Variants in THSD7A observed in about 807,000 individuals in gnomAD.
The protein encoded by THSD7A is thrombospondin type 1 domain containing 7A, also known as thrombospondin type-1 domain-containing protein 7A.
THSD7A carries 96 observed loss-of-function variants against 231.3 expected under a neutral mutation model. The observed-to-expected ratio is 0.41, with a 90% CI of 0.35 to 0.49. THSD7A has a LOEUF of 0.49. Ranked by LOEUF, THSD7A falls within the 20% of genes least tolerant of loss-of-function variation. THSD7A has a pLI of 0.05. For missense variants in THSD7A, 2,290 were observed against 2,070.2 expected, an observed-to-expected ratio of 1.11 and a Z score of -2.06; for synonymous variants, 940 against 743.3, an observed-to-expected ratio of 1.26 and a Z score of -4.30.
chr7:11,818,724 C>A (rs762872721), intron 1 of THSD7A, among the ~76,000 whole-genome samples: 14 of 152,208 alleles, frequency 9.2e-5, no homozygotes, highest in Non-Finnish European at 2.1e-4. Flanking sequence ...ACTTGAAAAT[C>A]TCACCAGCTT....
At chr7:11,410,687 A>G (rs1425514114) in intron 19 of THSD7A, among the ~76,000 whole-genome samples, 2 of 152,150 alleles carry the variant, frequency 1.3e-5, no homozygotes, top group East Asian at 3.9e-4. Flanking sequence ...TGTACCTAGA[A>G]GATAGTAATG....
At chr7:11,773,517 A>C (rs2128172344) in intron 1 of THSD7A, among the ~76,000 whole-genome samples, 2 of 152,282 alleles carry the variant, frequency 1.3e-5, no homozygotes, top group South Asian at 2.1e-4. Flanking sequence ...GAGCAATAAG[A>C]GCGAGACTCC....
intron 1 of THSD7A, among the ~76,000 whole-genome samples, chr7:11,641,372 C>T (rs1283375169): frequency 6.6e-6 from 1 of 151,970 alleles, no homozygotes; most frequent in Non-Finnish European, 1.5e-5. Flanking sequence ...CTTAATATCC[C>T]AGGCATTATA....
At chr7:11,469,748 A>C (rs1785857796) in intron 9 of THSD7A, 131 bp downstream of exon 9, 2 of 582,686 alleles carry the variant, frequency 3.4e-6, no homozygotes, top group Admixed American at 6.3e-5. Context: ...CTAACATTTT[A>C]TGGCATGCAT....
chr7:11,408,083 G>A (rs1161209989), intron 19 of THSD7A, among the ~76,000 whole-genome samples: 2 of 152,080 alleles, frequency 1.3e-5, no homozygotes, highest in East Asian at 1.9e-4. Context: ...AGATAATAAT[G>A]TTGTGCCATT....
chr7:11,550,598 T>A lies in THSD7A; in HGVS notation c.1454-7481A>T, dbSNP rs543302678. On this transcript the variant is annotated intron_variant, in intron 4 of 27. Transcript: ENST00000423059. ...TTGTGAAGAAGGTGCTTGCTTCTCC[T>A]TTGCCTTCTGCCATGATTGTAAGTT... Among the ~76,000 whole-genome samples, 22 of 152,298 alleles carry A rather than the reference T, an allele frequency of 1.4e-4. 1 individual carries two copies. In the South Asian group the frequency reaches 4.6e-3, roughly 32 times the overall value.
chr7:11,469,881 T>C lies in THSD7A; in HGVS notation c.2366A>G (p.Glu789Gly). ...DWTSCPSSCK[E>G]GDSSIRKQSR... ...CTTCCTAACTCTGCAGACCATACCT[T>C]CTTTACACGAAGAGGGGCATGATGT... The change falls in exon 9 of 28, where the codon GAA becomes GGA. Residue 789 changes from glutamate (E) to glycine (G), a missense_variant and splice_region_variant. Transcript: ENST00000423059. The C allele has an allele frequency of 1.3e-6, 2 of 1,585,052 alleles. No homozygotes were observed. Among genetic ancestry groups the C allele is most frequent in the South Asian group, 2.3e-5 (2 of 86,874 alleles).
chr7:11,668,815 C>G (rs879784189), intron 1 of THSD7A, among the ~76,000 whole-genome samples: 1 of 152,180 alleles, frequency 6.6e-6, no homozygotes, highest in Non-Finnish European at 1.5e-5. Context: ...TCATTAAGAA[C>G]AACTGATTCC....
intron 1 of THSD7A, among the ~76,000 whole-genome samples, chr7:11,741,335 C>G (rs2128160848): frequency 6.6e-6 from 1 of 152,032 alleles, no homozygotes; most frequent in Middle Eastern, 3.4e-3. Context: ...AAACATTTCT[C>G]TTAATCTAAA....
intron 1 of THSD7A, among the ~76,000 whole-genome samples, chr7:11,650,024 G>A (rs1459706340): frequency 6.6e-6 from 1 of 152,076 alleles, no homozygotes; most frequent in Admixed American, 6.6e-5. Flanking sequence ...CTGTATATTC[G>A]CTATTAAAAG....
At chr7:11,684,198 A>C (rs1779942082) in intron 1 of THSD7A, among the ~76,000 whole-genome samples, 1 of 151,922 alleles carries the variant, frequency 6.6e-6, no homozygotes, top group African/African-American at 2.4e-5. Flanking sequence ...TCATGTTAAA[A>C]ATCCTCAACA....
chr7:11,417,677 T>C, intron 16 of THSD7A, 74 bp from the exon 17 acceptor site: 1 of 1,475,036 alleles, frequency 6.8e-7, no homozygotes, highest in Non-Finnish European at 9.1e-7. Flanking sequence ...ACAATTAGAA[T>C]GACCAACCCA....
intron 6 of THSD7A, among the ~76,000 whole-genome samples, chr7:11,513,653 A>G (rs919869539): frequency 6.6e-6 from 1 of 152,210 alleles, no homozygotes; most frequent in Non-Finnish European, 1.5e-5. Flanking sequence ...GGACAGGGAA[A>G]TAGACAGTGA....
intron 2 of THSD7A, among the ~76,000 whole-genome samples, chr7:11,603,867 G>C (rs1220434828): frequency 1.4e-5 from 2 of 139,200 alleles, no homozygotes; most frequent in African/African-American, 5.4e-5. Context: ...ATCACACTCT[G>C]GGGACTGTGG....
rs747088977 is a variant in THSD7A, at chr7:11,788,356, G to A, written c.190+43401C>T. 2.9e-4 allele frequency among the ~76,000 whole-genome samples: 44 copies of A among 152,022 alleles called. No individual in the cohort carries two copies. In the Middle Eastern group the frequency reaches 0.01, roughly 35 times the overall value. Reference sequence around the variant, plus strand: ...TTTTGCCACTGTCTAATCTTAGCTCGTATATGTTCTTCTATAGTCTTGCCC... The same window carrying A: ...TTTTGCCACTGTCTAATCTTAGCTCATATATGTTCTTCTATAGTCTTGCCC... On this transcript the variant is annotated intron_variant, in intron 1 of 27. Transcript: ENST00000423059.
At chr7:11,725,242 T>G (rs1170091553) in intron 1 of THSD7A, among the ~76,000 whole-genome samples, 1 of 151,954 alleles carries the variant, frequency 6.6e-6, no homozygotes, top group African/African-American at 2.4e-5. Context: ...CTGATACCAT[T>G]TGTTTAACAT....
intron 17 of THSD7A, among the ~76,000 whole-genome samples, chr7:11,415,527 G>C (rs1485523983): frequency 1.3e-5 from 2 of 152,156 alleles, no homozygotes; most frequent in Non-Finnish European, 2.9e-5. Flanking sequence ...GAGGAGATCA[G>C]TCATTCTTCC....
intron 12 of THSD7A, among the ~76,000 whole-genome samples, chr7:11,447,022 AG>A (rs1784992400): frequency 6.6e-6 from 1 of 152,178 alleles, no homozygotes; most frequent in South Asian, 2.1e-4. Context: ...CATATTATAT[AG>A]GGAGTCAGAG....
chr7:11,738,601 T>C (rs1303255613), intron 1 of THSD7A, among the ~76,000 whole-genome samples: 1 of 152,002 alleles, frequency 6.6e-6, no homozygotes, highest in Non-Finnish European at 1.5e-5. Context: ...CGCTCTAAAC[T>C]GGTGAAACTT....
Sources: gnomAD v4.1 joint callset for allele counts (sites outside exome capture counted in the v4.1 genomes callset) on GRCh38, gnomAD v4.1.1 for gene constraint, MANE v1.5 for transcripts, NCBI Gene and HGNC (gene_info 2026-07-23, HGNC 2026-07-21) for gene names.